Variants in CFAP20DC observed in about 807,000 individuals in gnomAD.
The protein encoded by CFAP20DC is protein CFAP20DC.
CFAP20DC carries 84 observed loss-of-function variants against 101.7 expected under a neutral mutation model. The observed-to-expected ratio is 0.83, with a 90% confidence interval of 0.69 to 0.99. CFAP20DC has a LOEUF of 0.99. Ranked by LOEUF, CFAP20DC falls within the 50% of genes least tolerant of loss-of-function variation. The probability of loss-of-function intolerance (pLI) is 0.00; values close to 1 mark genes in which losing one functional copy is unlikely to be tolerated. For missense variants in CFAP20DC, 1,007 were observed against 970.3 expected, an observed-to-expected ratio of 1.04 and a Z score of -0.50; for synonymous variants, 359 against 351.2, an observed-to-expected ratio of 1.02 and a Z score of -0.25.
chr3:58,718,402 CCCT>C (rs1441328327), intron 3 of CFAP20DC, among the ~76,000 whole-genome samples: 2 of 152,196 alleles, frequency 1.3e-5, no homozygotes, highest in East Asian at 3.8e-4. Flanking sequence ...CTCCATGTGA[CCCT>C]GCAACAGTGG....
intron 5 of CFAP20DC, among the ~76,000 whole-genome samples, chr3:58,934,030 C>T (rs1045499580): frequency 1.3e-5 from 2 of 151,844 alleles, no homozygotes; most frequent in Non-Finnish European, 2.9e-5. Context: ...ACTAGCAAGA[C>T]TAATAAAGAA....
intron 4 of CFAP20DC, among the ~76,000 whole-genome samples, chr3:59,008,409 C>T (rs2093491105): frequency 6.6e-6 from 1 of 152,184 alleles, no homozygotes; most frequent in Non-Finnish European, 1.5e-5. Context: ...TACATCTACC[C>T]ACCTGCCTTC....
At chr3:58,794,791 G>A (rs2073112838) in intron 15 of CFAP20DC, among the ~76,000 whole-genome samples, 1 of 152,140 alleles carries the variant, frequency 6.6e-6, no homozygotes, top group Non-Finnish European at 1.5e-5. Context: ...GTGTGGACCT[G>A]GTTCTGCTGG....
intron 2 of CFAP20DC, 73 bp downstream of exon 2, chr3:59,047,092 C>G: frequency 1.0e-6 from 1 of 968,484 alleles, no homozygotes; most frequent in Non-Finnish European, 1.5e-6. Flanking sequence ...GAAATTTGAT[C>G]ACGCCCTTTC....
chr3:58,926,635 C>A (rs1010568522), intron 5 of CFAP20DC, among the ~76,000 whole-genome samples: 1 of 152,194 alleles, frequency 6.6e-6, no homozygotes, highest in South Asian at 2.1e-4. Flanking sequence ...ACTTCTACAT[C>A]ATTGGCTCTA....
chr3:58,778,227 C>A (rs1236442525), intron 15 of CFAP20DC, among the ~76,000 whole-genome samples: 2 of 152,184 alleles, frequency 1.3e-5, no homozygotes, highest in Non-Finnish European at 2.9e-5. Flanking sequence ...TCGTCCTTGT[C>A]TACCACAGTT....
chr3:58,846,845 C>T (rs1298335628), intron 13 of CFAP20DC, among the ~76,000 whole-genome samples: 2 of 148,668 alleles, frequency 1.3e-5, no homozygotes, highest in Admixed American at 6.7e-5. Context: ...GAACAGAGCC[C>T]TCAGAAATAA....
chr3:58,878,157 A>C (rs886667565), intron 7 of CFAP20DC, among the ~76,000 whole-genome samples: 3 of 152,226 alleles, frequency 2.0e-5, no homozygotes, highest in African/African-American at 7.2e-5. Context: ...CAACGAAAAG[A>C]AAAGCAAATA....
intron 7 of CFAP20DC, among the ~76,000 whole-genome samples, chr3:58,870,894 CAAAAAA>C (rs548763648): frequency 2.1e-4 from 4 of 18,952 alleles, no homozygotes; most frequent in Non-Finnish European, 6.4e-4. Context: ...GACTCCGTCT[CAAAAAA>C]AAAAAAAAAA....
At chr3:58,825,003 G>A (rs2075947641) in intron 14 of CFAP20DC, among the ~76,000 whole-genome samples, 1 of 151,882 alleles carries the variant, frequency 6.6e-6, no homozygotes, top group Non-Finnish European at 1.5e-5. Flanking sequence ...GACAGCTTTG[G>A]GGCATCTGCT....
rs367576176 is a variant in CFAP20DC at position 58,863,910 on chromosome 3, T to C, written c.1259-18A>G. Reference sequence around the variant, plus strand: ...CCACTCATCTGACAGTTGGAAAAGATGACAAAAATTAGAGCAGTAATCCAT... The same window carrying C: ...CCACTCATCTGACAGTTGGAAAAGACGACAAAAATTAGAGCAGTAATCCAT... On this transcript the variant is annotated intron_variant, in intron 11 of 16. Transcript: ENST00000482387. The surrounding 1 kb of genome is among the most constrained non-coding windows in gnomAD (Gnocchi z 5.9). The C allele has an allele frequency of 5.0e-6, 8 of 1,586,036 alleles. No homozygotes were observed. The East Asian group carries it at 6.7e-5, about 13-fold the overall frequency.
chr3:58,737,028 TTTATCC>T (rs2067772464), downstream of CFAP20DC: 1 of 317,874 alleles, frequency 3.1e-6, no homozygotes, highest in Admixed American at 4.4e-5. This position sits in a 1 kb window ranked among gnomAD's most constrained non-coding sequence, Gnocchi z 4.1. Context: ...TTCATTTAGA[TTTATCC>T]TTTGTTATAA....
intron 4 of CFAP20DC, among the ~76,000 whole-genome samples, chr3:58,968,355 A>G (rs2108325922): frequency 6.6e-6 from 1 of 152,096 alleles, no homozygotes; most frequent in South Asian, 2.2e-4. Context: ...CCTTTTCTCC[A>G]CAACCTTGCC....
Position 58,729,248 on chromosome 3 carries a change from A to G in CFAP20DC, c.198-11620T>C, listed in dbSNP as rs1285795646. Among the ~76,000 whole-genome samples, 1 of 152,216 alleles carries G rather than the reference A, an allele frequency of 6.6e-6. No individual in the cohort carries two copies. Among genetic ancestry groups the G allele is most frequent in the Admixed American group, 6.5e-5 (1 of 15,288 alleles). On this transcript the variant is annotated intron_variant, in intron 3 of 3. Transcript: ENST00000486145. The surrounding 1 kb of genome is among the most constrained non-coding windows in gnomAD (Gnocchi z 4.4). ...CAATAGACAACTAATATAATATTTT[A>G]ATTCGTATCAATAAATGTTTCATAA...
downstream of CFAP20DC, among the ~76,000 whole-genome samples, chr3:58,739,200 C>G (rs2067826166): frequency 6.6e-6 from 1 of 152,126 alleles, no homozygotes; most frequent in Non-Finnish European, 1.5e-5. Flanking sequence ...ACCAGGGAAA[C>G]TAAATCATTG....
intron 4 of CFAP20DC, among the ~76,000 whole-genome samples, chr3:58,954,814 T>G (rs1048982112): frequency 1.3e-5 from 2 of 152,212 alleles, no homozygotes; most frequent in Non-Finnish European, 2.9e-5. Context: ...ATGGTTAACA[T>G]TCTTTACAAT....
At chr3:59,029,337 A>G (rs960831732) in intron 4 of CFAP20DC, among the ~76,000 whole-genome samples, 8 of 152,200 alleles carry the variant, frequency 5.3e-5, no homozygotes, top group Non-Finnish European at 1.0e-4. Flanking sequence ...TACAGTTGTA[A>G]TGAAGGAAAA....
At chr3:58,822,699 T>TG (rs2075768174) in intron 14 of CFAP20DC, among the ~76,000 whole-genome samples, 1 of 152,136 alleles carries the variant, frequency 6.6e-6, no homozygotes, top group Admixed American at 6.6e-5. Flanking sequence ...TAAAAACTGC[T>TG]GACACGAACA....
intron 4 of CFAP20DC, among the ~76,000 whole-genome samples, chr3:58,942,616 G>C (rs112239898): frequency 4.6e-5 from 7 of 152,164 alleles, no homozygotes; most frequent in Non-Finnish European, 5.9e-5. Context: ...ACACCACCAG[G>C]GCCCTGGGTT....
Sources: gnomAD v4.1 joint callset for allele counts (sites outside exome capture counted in the v4.1 genomes callset) on GRCh38, gnomAD v4.1.1 for gene constraint, Gnocchi (gnomAD v3.1) non-coding constraint, MANE v1.5 for transcripts, NCBI Gene and HGNC (gene_info 2026-07-23, HGNC 2026-07-21) for gene names.